The following HCN1 variants were observed in gnomAD, a reference collection of about 807,000 sequenced individuals.
The protein encoded by HCN1 is hyperpolarization activated cyclic nucleotide gated potassium channel 1.
HCN1 carries 13 observed loss-of-function variants against 78.9 expected under a neutral mutation model. The ratio of observed to expected loss-of-function variants is 0.16; its 90% CI spans 0.11 to 0.26. The LOEUF (loss-of-function observed/expected upper bound fraction) is 0.26, where lower values mean the gene tolerates loss of function less well. Among genes scored for constraint, HCN1 ranks in the 10% least tolerant of loss-of-function variants. The pLI, the probability that HCN1 is intolerant of heterozygous loss-of-function variation, is 1.00. For missense variants in HCN1, 810 were observed against 1,154.3 expected, an observed-to-expected ratio of 0.70 and a Z score of 4.32; for synonymous variants, 552 against 455.5, an observed-to-expected ratio of 1.21 and a Z score of -2.70.
At chr5:45,372,261 A>C (rs1318380896) in intron 4 of HCN1, among the ~76,000 whole-genome samples, 1 of 83,256 alleles carries the variant, frequency 1.2e-5, no homozygotes, top group Non-Finnish European at 2.1e-5. Flanking sequence ...ATATATATTT[A>C]TATATATATT....
At chr5:45,539,782 G>A (rs1743055902) in intron 2 of HCN1, among the ~76,000 whole-genome samples, 1 of 146,636 alleles carries the variant, frequency 6.8e-6, no homozygotes, top group African/African-American at 2.5e-5. Context: ...TATTTGAGTT[G>A]AATATAATCA....
chr5:45,466,457 G>A (rs1412768791), intron 2 of HCN1, among the ~76,000 whole-genome samples: 6 of 152,096 alleles, frequency 3.9e-5, no homozygotes. Flanking sequence ...ACCTTCGTAA[G>A]TATCAAAATA....
intron 2 of HCN1, chr5:45,560,050 T>C (rs553046837): frequency 6.6e-6 from 1 of 152,280 alleles, no homozygotes; most frequent in East Asian, 1.9e-4. Context: ...ATTAGGGTAA[T>C]TACATTGTTT....
At position 45,387,344 on chromosome 5, in the gene HCN1, C is replaced by T. The variant is rs561419707; in HGVS notation, c.1230+9148G>A. On this transcript the variant is annotated intron_variant, in intron 4 of 7. Transcript: ENST00000303230. ...ACAAATAATATAATTATGTTTTATA[C>T]AAATTTCCTTTTCTTAAGAATGGCA... Among the ~76,000 whole-genome samples the T allele has an allele frequency of 1.4e-4, 21 of 151,996 alleles. No individual in the cohort carries two copies. In the South Asian group the frequency reaches 4.4e-3, roughly 31 times the overall value.
At chr5:45,337,782 A>C (rs2111960875) in intron 5 of HCN1, among the ~76,000 whole-genome samples, 1 of 152,254 alleles carries the variant, frequency 6.6e-6, no homozygotes, top group East Asian at 1.9e-4. Flanking sequence ...ACTAATTTGG[A>C]TGAGCTTCTC....
chr5:45,372,208 T>A (rs1213876783), intron 4 of HCN1, among the ~76,000 whole-genome samples: 2 of 44,610 alleles, frequency 4.5e-5, no homozygotes, highest in African/African-American at 2.7e-4. Context: ...TAATACATAT[T>A]ATATAATATA....
At chr5:45,613,362 C>T (rs1270180891) in intron 2 of HCN1, among the ~76,000 whole-genome samples, 1 of 152,002 alleles carries the variant, frequency 6.6e-6, no homozygotes, top group Non-Finnish European at 1.5e-5. Context: ...GCATAGTATT[C>T]CATGGTGTAT....
rs1744700372 is a variant in HCN1, at chr5:45,260,021, A to G, written c.*1900T>C. On this transcript the variant is annotated 3_prime_UTR_variant, in exon 8 of 8. Coordinates refer to ENST00000303230, the MANE Select transcript of HCN1 (RefSeq NM_021072.4). Reference sequence around the variant, plus strand: ...TCGACTAGCAGTTAATTACTTCCACACCAGTTGGGATTTGTTTGAAATTAA... The same window carrying G: ...TCGACTAGCAGTTAATTACTTCCACGCCAGTTGGGATTTGTTTGAAATTAA... 6.6e-6 allele frequency: 1 copy of G among 152,618 alleles called. No individual in the cohort carries two copies. Among genetic ancestry groups the G allele is most frequent in the Admixed American group, 6.5e-5 (1 of 15,276 alleles). The allele number at this position is 152,618 out of a possible 1,614,324, so 9.5% of individuals were successfully genotyped here. A position where few individuals can be genotyped will look rare whatever the true frequency, so the allele number is the denominator to read the frequency against.
intron 2 of HCN1, among the ~76,000 whole-genome samples, chr5:45,630,510 G>T (rs1302315799): frequency 6.6e-6 from 1 of 152,144 alleles, no homozygotes; most frequent in Non-Finnish European, 1.5e-5. Flanking sequence ...TCATGGTGTT[G>T]CCTAAAACCT....
chr5:45,635,903 GA>G (rs1205279321), intron 2 of HCN1, among the ~76,000 whole-genome samples: 2 of 152,052 alleles, frequency 1.3e-5, no homozygotes, highest in East Asian at 3.9e-4. Context: ...TCACTCTTTT[GA>G]AATAAAGCAG....
intron 1 of HCN1, 127 bp from the exon 2 acceptor site, chr5:45,645,735 TA>T (rs1745536325): frequency 3.4e-6 from 2 of 586,208 alleles, no homozygotes; most frequent in South Asian, 2.6e-5. Context: ...TTTTATTTTT[TA>T]AAAATGTAAT....
At chr5:45,368,224 G>T (rs1402250081) in intron 4 of HCN1, among the ~76,000 whole-genome samples, 1 of 152,006 alleles carries the variant, frequency 6.6e-6, no homozygotes, top group Non-Finnish European at 1.5e-5. Context: ...GAGGCTGCAA[G>T]ATAATGACAC....
At chr5:45,421,308 C>T (rs939556908) in intron 3 of HCN1, among the ~76,000 whole-genome samples, 3 of 152,074 alleles carry the variant, frequency 2.0e-5, no homozygotes, top group East Asian at 1.9e-4. Context: ...GTGATCCACC[C>T]GCCTGGGCCT....
intron 4 of HCN1, among the ~76,000 whole-genome samples, chr5:45,372,982 A>T (rs975681728): frequency 1.4e-5 from 2 of 140,486 alleles, no homozygotes; most frequent in Non-Finnish European, 3.1e-5. Flanking sequence ...AAATAAATAA[A>T]AAATAATATA....
intron 2 of HCN1, among the ~76,000 whole-genome samples, chr5:45,486,673 TAACA>T (rs1339376773): frequency 6.6e-6 from 1 of 152,092 alleles, no homozygotes; most frequent in African/African-American, 2.4e-5. Context: ...AACAATGTAC[TAACA>T]AACAAATGAT....
At chr5:45,611,269 C>CTTTT (rs1054830050) in intron 2 of HCN1, among the ~76,000 whole-genome samples, 18 of 113,730 alleles carry the variant, frequency 1.6e-4, no homozygotes, top group Non-Finnish European at 2.3e-4. Context: ...TTATCTTTTT[C>CTTTT]TTTTTTTTTT....
chr5:45,419,526 G>C (rs1449025435), intron 3 of HCN1, among the ~76,000 whole-genome samples: 1 of 152,146 alleles, frequency 6.6e-6, no homozygotes, highest in Non-Finnish European at 1.5e-5. Context: ...ATGAGCCATT[G>C]TACTGGAAAT....
At chr5:45,460,746 T>C (rs994331510) in intron 3 of HCN1, among the ~76,000 whole-genome samples, 2 of 145,430 alleles carry the variant, frequency 1.4e-5, no homozygotes, top group African/African-American at 5.0e-5. Context: ...GGGAAGAAGA[T>C]AGAAAAGGAA....
chr5:45,498,050 G>T (rs1742086529), intron 2 of HCN1, among the ~76,000 whole-genome samples: 1 of 152,226 alleles, frequency 6.6e-6, no homozygotes, highest in Admixed American at 6.5e-5. Context: ...TGGTGAATCT[G>T]ACAATTATGT....
Sources: allele counts gnomAD v4.1 joint callset (sites outside exome capture counted in the v4.1 genomes callset), GRCh38; gene constraint gnomAD v4.1.1; transcripts MANE v1.5; gene names NCBI Gene and HGNC (gene_info 2026-07-23, HGNC 2026-07-21).